The following ADGRL2 variants were observed in gnomAD, a reference collection of about 807,000 sequenced individuals.
ADGRL2 encodes the protein adhesion G protein-coupled receptor L2.
Under a neutral mutation model 157.4 loss-of-function variants are expected in ADGRL2, and 44 were observed. The observed-to-expected ratio is 0.28, with a 90% CI of 0.22 to 0.36. The LOEUF is 0.36. Among genes scored for constraint, ADGRL2 ranks in the 10% least tolerant of loss-of-function variants. ADGRL2 has a pLI of 1.00. For missense variants in ADGRL2, 1,510 were observed against 1,768.9 expected (o/e 0.85, Z 2.63); for synonymous variants, 585 against 624.7 (o/e 0.94, Z 0.95).
chr1:81,860,364 AC>A (rs1338759557), intron 2 of ADGRL2, among the ~76,000 whole-genome samples: 2 of 152,068 alleles, frequency 1.3e-5, no homozygotes, highest in Non-Finnish European at 2.9e-5. Context: ...TTTTGTAGAG[AC>A]AGGGTTTCTC....
intron 2 of ADGRL2, among the ~76,000 whole-genome samples, chr1:81,497,618 C>G (rs2078758219): frequency 6.6e-6 from 1 of 152,086 alleles, no homozygotes; most frequent in South Asian, 2.1e-4. Context: ...CTAGGACTAC[C>G]TGTTATGAGC....
At chr1:81,484,344 T>C (rs922248148) in intron 2 of ADGRL2, among the ~76,000 whole-genome samples, 1 of 152,176 alleles carries the variant, frequency 6.6e-6, no homozygotes, top group African/African-American at 2.4e-5. Context: ...CAGATCATTT[T>C]ATTTGGGCTC....
intron 2 of ADGRL2, among the ~76,000 whole-genome samples, chr1:81,483,776 T>C (rs2078441429): frequency 6.6e-6 from 1 of 152,178 alleles, no homozygotes; most frequent in Admixed American, 6.5e-5. Flanking sequence ...GCATGTTTCC[T>C]TTCATAAAAC....
chr1:81,826,503 A>G (rs926391720), intron 1 of ADGRL2, among the ~76,000 whole-genome samples: 11 of 152,348 alleles, frequency 7.2e-5, no homozygotes, highest in African/African-American at 2.6e-4. Flanking sequence ...GCTGCAACTT[A>G]GACTGTAAAA....
chr1:81,512,008 T>C (rs1291009833), intron 2 of ADGRL2, among the ~76,000 whole-genome samples: 1 of 152,218 alleles, frequency 6.6e-6, no homozygotes, highest in Non-Finnish European at 1.5e-5. Flanking sequence ...TTGTCCATAA[T>C]GTATGTCTGT....
intron 3 of ADGRL2, among the ~76,000 whole-genome samples, chr1:81,685,007 T>G (rs1445798583): frequency 6.6e-6 from 1 of 152,340 alleles, no homozygotes; most frequent in Middle Eastern, 3.4e-3. Flanking sequence ...CCTATTTTTA[T>G]ACCTGTACCA....
At chr1:81,528,672 A>G (rs1210234232) in intron 2 of ADGRL2, among the ~76,000 whole-genome samples, 4 of 135,620 alleles carry the variant, frequency 2.9e-5, no homozygotes, top group Admixed American at 7.4e-5. Flanking sequence ...AAAAAAAAAA[A>G]AAAGAAAAAG....
At chr1:81,487,944 A>T (rs1378254515) in intron 2 of ADGRL2, among the ~76,000 whole-genome samples, 2 of 151,932 alleles carry the variant, frequency 1.3e-5, no homozygotes, top group Non-Finnish European at 2.9e-5. Flanking sequence ...AGTAAAAAAT[A>T]TGCGCAAGGC....
intron 3 of ADGRL2, among the ~76,000 whole-genome samples, chr1:81,650,196 T>A (rs1446273294): frequency 2.0e-5 from 3 of 152,048 alleles, no homozygotes; most frequent in African/African-American, 7.2e-5. Context: ...CTCAACAAAT[T>A]CTGTTAAATA....
intron 2 of ADGRL2, among the ~76,000 whole-genome samples, chr1:81,770,457 G>C (rs2086317209): frequency 1.3e-5 from 2 of 151,066 alleles, no homozygotes; most frequent in Non-Finnish European, 3.0e-5. Flanking sequence ...CACCACGCCT[G>C]GCTGCCTTTT....
At chr1:81,854,248 G>T (rs6660563) in intron 2 of ADGRL2, among the ~76,000 whole-genome samples, 42,878 of 152,106 alleles carry the variant, frequency 0.28, 6,636 homozygotes, top group Middle Eastern at 0.49. Flanking sequence ...CAGGGATACT[G>T]CCGAACCACT....
In ADGRL2 at chr1:81,384,345, G is replaced by A. The variant is rs150548801; in HGVS notation, c.-301-60691G>A. ...AATCTCATTTACATAGAAAAAAGGTGTGCATTTGTGGGTGTGTGTGCACGC... is the reference window on the plus strand; with the variant it reads ...AATCTCATTTACATAGAAAAAAGGTATGCATTTGTGGGTGTGTGTGCACGC... On this transcript the variant is annotated intron_variant, in intron 1 of 24. Transcript: ENST00000370721. Among the ~76,000 whole-genome samples, 201 of 152,272 alleles carry A rather than the reference G, an allele frequency of 1.3e-3. No homozygotes were observed. In the East Asian group the frequency reaches 0.014, roughly 11 times the overall value.
chr1:81,942,745 T>C, intron 5 of ADGRL2: 1 of 585,058 alleles, frequency 1.7e-6, no homozygotes, highest in Non-Finnish European at 3.1e-6. Context: ...AAACTTAGGC[T>C]TTTGTTAGTG....
intron 1 of ADGRL2, among the ~76,000 whole-genome samples, chr1:81,817,126 A>G (rs944811686): frequency 2.0e-5 from 3 of 151,858 alleles, no homozygotes; most frequent in Non-Finnish European, 4.4e-5. Flanking sequence ...TGTAGTCTCC[A>G]GTGTCTGTTT....
At chr1:81,791,450 A>G (rs1311924313) in intron 2 of ADGRL2, among the ~76,000 whole-genome samples, 4 of 152,170 alleles carry the variant, frequency 2.6e-5, no homozygotes, top group Non-Finnish European at 5.9e-5. Context: ...ACAAAAACAC[A>G]TTGAGATACC....
In ADGRL2 at chr1:81,800,941, C is replaced by T. The variant is rs529908180; in HGVS notation, c.-228C>T. Among the ~76,000 whole-genome samples the T allele has an allele frequency of 3.3e-3, 494 of 149,124 alleles. 5 individuals carry two copies. The highest frequency in any genetic ancestry group is 0.011 in the African/African-American group (445 of 41,198). Reference sequence around the variant, plus strand: ...CTCCGGGGCGCGTTCCACGGCCGTGCGCGCGCGTCCCTCGCCGCCACCGCC... The same window carrying T: ...CTCCGGGGCGCGTTCCACGGCCGTGTGCGCGCGTCCCTCGCCGCCACCGCC... On this transcript the variant is annotated 5_prime_UTR_variant, in exon 1 of 24. Coordinates refer to ENST00000686636, the MANE Select transcript of ADGRL2 (RefSeq NM_001366006.2).
At chr1:81,460,103 T>C (rs1243423869) in intron 2 of ADGRL2, among the ~76,000 whole-genome samples, 5 of 152,060 alleles carry the variant, frequency 3.3e-5, no homozygotes, top group African/African-American at 1.2e-4. Context: ...TTAGTGATGT[T>C]GAATATCTTC....
At chr1:81,975,667 C>T (rs898456678) in intron 17 of ADGRL2, among the ~76,000 whole-genome samples, 4 of 151,808 alleles carry the variant, frequency 2.6e-5, no homozygotes, top group Non-Finnish European at 5.9e-5. Context: ...AAGGGGAAAG[C>T]ACAGAAGTAT....
At chr1:81,326,257 T>G (rs1660893322) in intron 1 of ADGRL2, among the ~76,000 whole-genome samples, 1 of 152,186 alleles carries the variant, frequency 6.6e-6, no homozygotes, top group Non-Finnish European at 1.5e-5. Flanking sequence ...ACTTTAGTCT[T>G]CAGTAATAAT....
Sources: gnomAD v4.1 joint callset for allele counts (sites outside exome capture counted in the v4.1 genomes callset) on GRCh38, gnomAD v4.1.1 for gene constraint, MANE v1.5 for transcripts, NCBI Gene and HGNC (gene_info 2026-07-23, HGNC 2026-07-21) for gene names.